The following TRPM3 variants were observed in gnomAD, a reference collection of about 807,000 sequenced individuals.
The protein encoded by TRPM3 is transient receptor potential cation channel subfamily M member 3.
Under a neutral mutation model 181.2 loss-of-function variants are expected in TRPM3, and 77 were observed. That is an observed-to-expected ratio of 0.42 (90% confidence interval 0.35 to 0.51). TRPM3 has a LOEUF of 0.51. TRPM3 is among the 20% of genes least tolerant of loss of function. TRPM3 has a pLI of 0.01. For synonymous variants in TRPM3, 745 were observed against 796.4 expected, an observed-to-expected ratio of 0.94 and a Z score of 1.09; for missense variants, 1,759 against 2,196.7, an observed-to-expected ratio of 0.80 and a Z score of 3.98.
At chr9:70,769,458 G>A (rs893701208) in intron 7 of TRPM3, among the ~76,000 whole-genome samples, 5 of 151,866 alleles carry the variant, frequency 3.3e-5, no homozygotes, top group African/African-American at 1.2e-4. Flanking sequence ...TGTTACAAGG[G>A]TATATTGCAC....
intron 1 of TRPM3, among the ~76,000 whole-genome samples, chr9:71,312,342 A>G (rs2088035483): frequency 6.6e-6 from 1 of 152,168 alleles, no homozygotes; most frequent in Non-Finnish European, 1.5e-5. Flanking sequence ...AAATTAAAAC[A>G]GGAATGAGAT....
intron 1 of TRPM3, among the ~76,000 whole-genome samples, chr9:70,935,449 G>A (rs904475305): frequency 6.6e-6 from 1 of 152,182 alleles, no homozygotes; most frequent in African/African-American, 2.4e-5. Flanking sequence ...AGGCTGACCT[G>A]CATAATTACC....
chr9:71,122,479 T>A (rs146523957), upstream of TRPM3, among the ~76,000 whole-genome samples: 1 of 152,306 alleles, frequency 6.6e-6, no homozygotes, highest in Non-Finnish European at 1.5e-5. Flanking sequence ...ACCTGACAAC[T>A]CCTATGGGGA....
chr9:71,204,962 G>A (rs1180594804), intron 1 of TRPM3, among the ~76,000 whole-genome samples: 1 of 151,832 alleles, frequency 6.6e-6, no homozygotes, highest in Non-Finnish European at 1.5e-5. Flanking sequence ...CTATCGCAAG[G>A]ACAAAAAACC....
At chr9:70,767,771 T>C (rs1196978496) in intron 7 of TRPM3, among the ~76,000 whole-genome samples, 3 of 152,148 alleles carry the variant, frequency 2.0e-5, no homozygotes, top group Non-Finnish European at 4.4e-5. Flanking sequence ...TGGCTTGCAT[T>C]GCTCTTTCCC....
chr9:71,424,917 T>G (rs181816972), intron 1 of TRPM3, among the ~76,000 whole-genome samples: 111 of 152,268 alleles, frequency 7.3e-4, no homozygotes, highest in Non-Finnish European at 1.2e-3. Flanking sequence ...TGGCTTCTTG[T>G]CCCTATTACT....
At chr9:70,657,424 G>T (rs2060516497) in intron 9 of TRPM3, among the ~76,000 whole-genome samples, 1 of 151,684 alleles carries the variant, frequency 6.6e-6, no homozygotes, top group South Asian at 2.1e-4. Context: ...GGTTCTGTTT[G>T]TTGTGGCCTG....
intron 6 of TRPM3, among the ~76,000 whole-genome samples, chr9:70,784,921 G>T (rs1283940190): frequency 1.3e-5 from 2 of 152,152 alleles, no homozygotes; most frequent in African/African-American, 2.4e-5. Flanking sequence ...GAGTGCAGTG[G>T]CACAATCTCA....
intron 1 of TRPM3, among the ~76,000 whole-genome samples, chr9:71,171,270 C>T (rs530020339): frequency 8.9e-4 from 136 of 152,300 alleles, no homozygotes; most frequent in Middle Eastern, 3.4e-3. Flanking sequence ...TCTCACCCTG[C>T]CTCCACTTGC....
intron 1 of TRPM3, among the ~76,000 whole-genome samples, chr9:71,040,378 T>C (rs1302618891): frequency 1.3e-5 from 2 of 152,228 alleles, no homozygotes; most frequent in African/African-American, 2.4e-5. Flanking sequence ...TTGCTTTCCA[T>C]ACTTTCTCAG....
intron 1 of TRPM3, among the ~76,000 whole-genome samples, chr9:71,253,132 T>C (rs1000863423): frequency 6.6e-6 from 1 of 152,190 alleles, no homozygotes; most frequent in Admixed American, 6.5e-5. Context: ...GTGTCTGTCT[T>C]TCTTATTGAA....
chr9:71,314,984 G>A (rs943947545), intron 1 of TRPM3, among the ~76,000 whole-genome samples: 2 of 152,106 alleles, frequency 1.3e-5, no homozygotes, highest in Non-Finnish European at 2.9e-5. Flanking sequence ...TATGTAGAAT[G>A]TTTGATCTTG....
intron 1 of TRPM3, among the ~76,000 whole-genome samples, chr9:71,013,537 T>G (rs1421033273): frequency 8.6e-5 from 13 of 151,938 alleles, no homozygotes; most frequent in Non-Finnish European, 2.9e-5. Flanking sequence ...GAAGGTTTGG[T>G]AGTATTTATG....
chr9:71,254,108 CG>C (rs922433397), intron 1 of TRPM3, among the ~76,000 whole-genome samples: 48 of 152,190 alleles, frequency 3.2e-4, no homozygotes, highest in African/African-American at 1.1e-3. Context: ...TTAGTAGAGA[CG>C]GTGTTTCACC....
chr9:70,625,375 C>T lies in TRPM3; in HGVS notation c.1669-44G>A, dbSNP rs2064380379. Reference sequence around the variant, plus strand: ...ACAAACAGACAAATCCAAAAGACAACGTGGTTTACTAGGGATTCTACTTCA... The same window carrying T: ...ACAAACAGACAAATCCAAAAGACAATGTGGTTTACTAGGGATTCTACTTCA... On this transcript the variant is annotated intron_variant, in intron 13 of 25. Coordinates refer to ENST00000677713, the MANE Select transcript of TRPM3 (RefSeq NM_001366145.2). The surrounding 1 kb of genome is among the most constrained non-coding windows in gnomAD (Gnocchi z 4.8). 6 of 1,611,698 alleles carry T rather than the reference C, an allele frequency of 3.7e-6. No homozygotes were observed. Among genetic ancestry groups the T allele is most frequent in the Non-Finnish European group, 5.1e-6 (6 of 1,178,682 alleles).
chr9:70,824,479 G>A (rs1164016277), intron 6 of TRPM3: 1 of 151,820 alleles, frequency 6.6e-6, no homozygotes, highest in African/African-American at 2.4e-5. Flanking sequence ...CCAGGCTGGA[G>A]TGCAATGGCA....
chr9:70,902,713 G>A (rs1396108673), intron 1 of TRPM3, among the ~76,000 whole-genome samples: 7 of 152,150 alleles, frequency 4.6e-5, no homozygotes, highest in Non-Finnish European at 1.0e-4. Context: ...TTAGGTACTG[G>A]GGAACTCTGA....
intron 1 of TRPM3, among the ~76,000 whole-genome samples, chr9:71,165,111 G>GA (rs2076475560): frequency 6.6e-6 from 1 of 152,086 alleles, no homozygotes; most frequent in Non-Finnish European, 1.5e-5. Context: ...ACCAGCCCCG[G>GA]AGCCAGGCTG....
chr9:70,925,112 T>C (rs942151228), intron 1 of TRPM3, among the ~76,000 whole-genome samples: 1 of 152,188 alleles, frequency 6.6e-6, no homozygotes, highest in Non-Finnish European at 1.5e-5. Flanking sequence ...CTAACATGTA[T>C]AGCCCTACCT....
Sources: allele counts gnomAD v4.1 joint callset (sites outside exome capture counted in the v4.1 genomes callset), GRCh38; gene constraint gnomAD v4.1.1; non-coding constraint Gnocchi (gnomAD v3.1); transcripts MANE v1.5; gene names NCBI Gene and HGNC (gene_info 2026-07-23, HGNC 2026-07-21).